Variants in LRRN1 observed in about 807,000 individuals in gnomAD.
LRRN1 encodes leucine rich repeat neuronal 1.
LRRN1 carries 14 observed loss-of-function variants against 45.8 expected under a neutral mutation model. The ratio of observed to expected loss-of-function variants is 0.31; its 90% CI spans 0.20 to 0.48. The LOEUF (loss-of-function observed/expected upper bound fraction) is 0.48, where lower values mean the gene tolerates loss of function less well. Ranked by LOEUF, LRRN1 falls within the 20% of genes least tolerant of loss-of-function variation. The probability of loss-of-function intolerance (pLI) is 0.99; values close to 1 mark genes in which losing one functional copy is unlikely to be tolerated. For missense variants in LRRN1, 789 were observed against 874.2 expected (o/e 0.90, Z 1.23); for synonymous variants, 359 against 330.1 (o/e 1.09, Z -0.95).
intron 1 of LRRN1, among the ~76,000 whole-genome samples, chr3:3,837,312 G>C (rs1381149405): frequency 7.6e-6 from 1 of 132,064 alleles, no homozygotes; most frequent in African/African-American, 2.8e-5. Flanking sequence ...TGGATTGGGG[G>C]CAAGGGCTTT....
At chr3:3,836,708 T>G (rs1458733616) in intron 1 of LRRN1, among the ~76,000 whole-genome samples, 1 of 152,120 alleles carries the variant, frequency 6.6e-6, no homozygotes, top group Non-Finnish European at 1.5e-5. Flanking sequence ...GCTTACAGGT[T>G]TAAACTCCTT....
At chr3:3,834,525 G>GACACATATATATATATATATATATATAT (rs750534210) in intron 1 of LRRN1, among the ~76,000 whole-genome samples, 2 of 27,310 alleles carry the variant, frequency 7.3e-5, no homozygotes, top group Non-Finnish European at 2.0e-4. Flanking sequence ...GACAGAACAG[G>GACACATATATATATATATATATATATAT]ATATATATAT....
intron 1 of LRRN1, among the ~76,000 whole-genome samples, chr3:3,811,404 A>G (rs1158003792): frequency 1.6e-4 from 25 of 152,124 alleles, no homozygotes; most frequent in Non-Finnish European, 1.5e-4. Flanking sequence ...ACTGAGTCTT[A>G]GGTCCCTGGC....
intron 1 of LRRN1, among the ~76,000 whole-genome samples, chr3:3,839,130 GT>G (rs1249666823): frequency 6.6e-6 from 1 of 152,010 alleles, no homozygotes; most frequent in Non-Finnish European, 1.5e-5. Flanking sequence ...AGTTTTATAG[GT>G]TTAGGTCTTA....
At chr3:3,822,388 C>T (rs990245651) in intron 1 of LRRN1, among the ~76,000 whole-genome samples, 3 of 152,164 alleles carry the variant, frequency 2.0e-5, no homozygotes, top group Non-Finnish European at 2.9e-5. Context: ...AGGGTGTTTT[C>T]TGTCTTTCTT....
chr3:3,802,476 A>G (rs1217652335), intron 1 of LRRN1, among the ~76,000 whole-genome samples: 1 of 152,204 alleles, frequency 6.6e-6, no homozygotes, highest in African/African-American at 2.4e-5. Context: ...CCCGCCAGAA[A>G]AAAAAGACAA....
At chr3:3,832,432 C>T (rs1693392830) in intron 1 of LRRN1, among the ~76,000 whole-genome samples, 1 of 152,098 alleles carries the variant, frequency 6.6e-6, no homozygotes, top group African/African-American at 2.4e-5. Flanking sequence ...GTAAGTTGGA[C>T]CTGAGCTAAA....
rs761279338 is a variant in LRRN1 at position 3,845,007 on chromosome 3, A to G, written c.366A>G (p.Thr122=). 1.1e-5 allele frequency: 17 copies of G among 1,614,050 alleles called. No homozygotes were observed. The highest frequency in any genetic ancestry group is 1.1e-5 in the Non-Finnish European group (13 of 1,180,038). Residue 122 remains threonine (T), a synonymous_variant, in exon 2 of 2, where the codon ACA becomes ACG. Coordinates refer to ENST00000319331, the MANE Select transcript of LRRN1 (RefSeq NM_020873.7). This position sits in a 1 kb window ranked among gnomAD's most constrained non-coding sequence, Gnocchi z 6.5. The part of the protein sequence containing the change: ...EVGLANLTQL[T]TLHLEENQIT... The stretch of plus-strand genomic sequence containing the variant: ...GGCTGGCAAACCTAACCCAGCTCAC[A>G]ACGCTGCATTTGGAGGAAAATCAGA...
Position 3,844,908 on chromosome 3 carries a change from T to G in LRRN1, c.267T>G (p.Asp89Glu). ...GCAATAACATCGCAAAGACTGTGGA[T>G]GAGCTGCAGCAGCTTTTCAACTTGA... is the stretch of plus-strand genomic sequence containing the variant. ...LQSNNIAKTV[D>E]ELQQLFNLTE... The change falls in exon 2 of 2, where the codon GAT becomes GAG. Residue 89 changes from aspartate (D) to glutamate (E), a missense_variant. Physicochemically the swap from Asp to Glu is conservative, Grantham distance 45. Coordinates refer to ENST00000319331, the MANE Select transcript of LRRN1 (RefSeq NM_020873.7). The G allele has an allele frequency of 6.2e-7, 1 of 1,614,170 alleles. No homozygotes were observed. The highest frequency in any genetic ancestry group is 1.1e-5 in the South Asian group (1 of 91,078).
intron 1 of LRRN1, among the ~76,000 whole-genome samples, chr3:3,821,269 C>T (rs1204027234): frequency 6.6e-6 from 1 of 152,190 alleles, no homozygotes; most frequent in African/African-American, 2.4e-5. Context: ...ACCTCCATTT[C>T]TCATTCCCAC....
chr3:3,818,237 A>G (rs979989502), intron 1 of LRRN1, among the ~76,000 whole-genome samples: 1 of 152,252 alleles, frequency 6.6e-6, no homozygotes, highest in Non-Finnish European at 1.5e-5. Flanking sequence ...GGCATTTAAC[A>G]TTTAATCATG....
chr3:3,833,774 G>A (rs149466510), intron 1 of LRRN1, among the ~76,000 whole-genome samples: 1 of 152,164 alleles, frequency 6.6e-6, no homozygotes, highest in Non-Finnish European at 1.5e-5. Flanking sequence ...GGCAGCATGT[G>A]TTGGGGAGGG....
intron 1 of LRRN1, among the ~76,000 whole-genome samples, chr3:3,823,421 G>T (rs974238687): frequency 3.3e-5 from 5 of 152,012 alleles, no homozygotes; most frequent in African/African-American, 1.2e-4. Context: ...GAAGAAGAAG[G>T]TTAGGTTAAA....
In LRRN1 at chr3:3,845,203, G is replaced by A; in HGVS notation, c.562G>A (p.Asp188Asn). 1.2e-6 allele frequency: 2 copies of A among 1,614,116 alleles called. No individual in the cohort carries two copies. Among genetic ancestry groups the A allele is most frequent in the Non-Finnish European group, 1.7e-6 (2 of 1,180,022 alleles). Residue 188 changes from aspartate to asparagine, a missense_variant, in exon 2 of 2, where the codon GAT becomes AAT. Coordinates refer to ENST00000319331, the MANE Select transcript of LRRN1 (RefSeq NM_020873.7). The surrounding 1 kb of genome is among the most constrained non-coding windows in gnomAD (Gnocchi z 6.5). The part of the protein sequence containing the change: ...KLKVIDSRWF[D>N]STPNLEILMI... ...GAAAGTTATTGATAGTCGCTGGTTT[G>A]ATTCTACACCCAACCTGGAAATTCT...
rs1553563088 is a variant in LRRN1 at position 3,834,535 on chromosome 3, T to TATATATATATATC, written c.-278-9817_-278-9816insCATATATATATAT. ...AGAGGGACAGAACAGGATATATATA[T>TATATATATATATC]ATATATATATATATATATGATATAT... is the stretch of plus-strand genomic sequence containing the variant. On this transcript the variant is annotated intron_variant, in intron 1 of 1. Transcript: ENST00000319331. 8.8e-4 allele frequency among the ~76,000 whole-genome samples: 96 copies of TATATATATATATC among 108,710 alleles called. 10 individuals are homozygous for TATATATATATATC. Among genetic ancestry groups the TATATATATATATC allele is most frequent in the African/African-American group, 3.2e-3 (93 of 28,732 alleles). The allele number at this position is 108,710 out of a possible 152,430, so 71.3% of individuals were successfully genotyped here.
Position 3,816,116 on chromosome 3 carries a change from A to C in LRRN1, c.-279+16197A>C, listed in dbSNP as rs1038486. Among the ~76,000 whole-genome samples the C allele has an allele frequency of 0.18, 27,555 of 152,132 alleles. 2,951 individuals are homozygous for C. The highest frequency in any genetic ancestry group is 0.3 in the East Asian group (1,554 of 5,176). ...ATTCTTTTTACTTTTAATAATGAAC[A>C]TATTAGTTGAAGAGCTATTATAGAA... is the stretch of plus-strand genomic sequence containing the variant. On this transcript the variant is annotated intron_variant, in intron 1 of 1. Coordinates refer to ENST00000319331, the MANE Select transcript of LRRN1 (RefSeq NM_020873.7). The surrounding 1 kb of genome is among the most constrained non-coding windows in gnomAD (Gnocchi z 4.0).
intron 1 of LRRN1, among the ~76,000 whole-genome samples, chr3:3,809,596 T>C (rs1692836199): frequency 6.6e-6 from 1 of 152,214 alleles, no homozygotes; most frequent in Non-Finnish European, 1.5e-5. Context: ...ATTGCCGTAG[T>C]GTTACAGGAC....
chr3:3,830,532 A>G (rs4353796), intron 1 of LRRN1, among the ~76,000 whole-genome samples: 2 of 152,132 alleles, frequency 1.3e-5, no homozygotes, highest in Non-Finnish European at 2.9e-5. Context: ...GTGTCTGCAT[A>G]TTGTGCAGAA....
intron 1 of LRRN1, among the ~76,000 whole-genome samples, chr3:3,804,474 C>A (rs952396119): frequency 7.9e-5 from 12 of 152,140 alleles, no homozygotes; most frequent in Non-Finnish European, 1.5e-4. Flanking sequence ...AAGGTCCTGT[C>A]CACTCTGACT....
Sources: allele counts gnomAD v4.1 joint callset (sites outside exome capture counted in the v4.1 genomes callset), GRCh38; gene constraint gnomAD v4.1.1; non-coding constraint Gnocchi (gnomAD v3.1); transcripts MANE v1.5; gene names NCBI Gene and HGNC (gene_info 2026-07-23, HGNC 2026-07-21).